The following MPPED1 variants were observed in gnomAD, a reference collection of about 807,000 sequenced individuals.
MPPED1 encodes metallophosphoesterase domain-containing protein 1.
MPPED1 carries 16 observed loss-of-function variants against 36.2 expected under a neutral mutation model. That is an observed-to-expected ratio of 0.44 (90% confidence interval 0.30 to 0.67). The LOEUF is 0.67. MPPED1 is among the 30% of genes least tolerant of loss of function. MPPED1 has a pLI of 0.10. For missense variants in MPPED1, 307 were observed against 453.4 expected (o/e 0.68, Z 2.93); for synonymous variants, 199 against 191.3 (o/e 1.04, Z -0.33).
intron 3 of MPPED1, among the ~76,000 whole-genome samples, chr22:43,439,226 T>C (rs978230975): frequency 6.6e-6 from 1 of 152,178 alleles, no homozygotes; most frequent in Non-Finnish European, 1.5e-5. Flanking sequence ...GGGGGACGGG[T>C]TGGGATGAAA....
intron 3 of MPPED1, among the ~76,000 whole-genome samples, chr22:43,445,278 C>A (rs1930295810): frequency 1.3e-5 from 2 of 152,136 alleles, no homozygotes; most frequent in African/African-American, 4.8e-5. Context: ...ATAAAACATG[C>A]CCATTTCTGT....
At chr22:43,467,432 C>T (rs543015132) in intron 3 of MPPED1, among the ~76,000 whole-genome samples, 2 of 152,360 alleles carry the variant, frequency 1.3e-5, no homozygotes, top group African/African-American at 4.8e-5. Context: ...GTTCAGGTTA[C>T]ACACAGAATT....
intron 4 of MPPED1, among the ~76,000 whole-genome samples, chr22:43,497,929 G>GTGTATATATATATATATATATA (rs1555904565): frequency 7.8e-4 from 38 of 48,716 alleles, no homozygotes; most frequent in African/African-American, 1.9e-3. Context: ...ATATATATAT[G>GTGTATATATATATATATATATA]TATATGTATA....
chr22:43,471,674 G>T (rs543636498), intron 3 of MPPED1, among the ~76,000 whole-genome samples: 1 of 152,170 alleles, frequency 6.6e-6, no homozygotes, highest in Non-Finnish European at 1.5e-5. Flanking sequence ...CCTCCTCTCC[G>T]CAGCCTGAGC....
intron 3 of MPPED1, among the ~76,000 whole-genome samples, chr22:43,448,833 C>T (rs1471402030): frequency 6.6e-6 from 1 of 152,082 alleles, no homozygotes; most frequent in African/African-American, 2.4e-5. Context: ...GAACTCCTGA[C>T]CTCAAGTGAT....
intron 3 of MPPED1, among the ~76,000 whole-genome samples, chr22:43,436,900 G>A (rs1240464808): frequency 6.6e-6 from 1 of 152,242 alleles, no homozygotes; most frequent in East Asian, 1.9e-4. Context: ...TGAAGGGTGG[G>A]GACTGTCTCT....
chr22:43,463,172 G>A (rs769673814), intron 3 of MPPED1, among the ~76,000 whole-genome samples: 2 of 151,560 alleles, frequency 1.3e-5, no homozygotes, highest in Non-Finnish European at 2.9e-5. Flanking sequence ...GCTTAATGTG[G>A]GTCTTTACTT....
chr22:43,445,546 G>A (rs1930305140), intron 3 of MPPED1, among the ~76,000 whole-genome samples: 1 of 144,918 alleles, frequency 6.9e-6, no homozygotes, highest in South Asian at 2.2e-4. Context: ...TATCTTTGCT[G>A]TCTGATGTTT....
rs1932498131 is a variant in MPPED1 at position 43,498,325 on chromosome 22, C to T, written c.723C>T (p.Ile241=). 1 of 1,535,272 alleles carries T rather than the reference C, an allele frequency of 6.5e-7. No homozygotes were observed. Among genetic ancestry groups the T allele is most frequent in the South Asian group, 1.2e-5 (1 of 84,008 alleles). The part of the protein sequence containing the change: ...KWNLIPEGVD[I]LITHGPPLGF... ...ACCTCATTCCCGAAGGCGTAGACAT[C>T]CTGATAACCCATGGACCACCACTGG... The change falls in exon 5 of 7, where the codon ATC becomes ATT. Residue 241 remains isoleucine, a synonymous_variant. Coordinates refer to ENST00000443721, the MANE Select transcript of MPPED1 (RefSeq NM_001044370.2).
At chr22:43,444,930 T>A (rs1930284639) in intron 3 of MPPED1, among the ~76,000 whole-genome samples, 1 of 152,150 alleles carries the variant, frequency 6.6e-6, no homozygotes, top group African/African-American at 2.4e-5. Flanking sequence ...ATATTGATGA[T>A]AAATTAAAAG....
chr22:43,465,227 T>G (rs1931124370), intron 3 of MPPED1, among the ~76,000 whole-genome samples: 1 of 152,204 alleles, frequency 6.6e-6, no homozygotes, highest in South Asian at 2.1e-4. Context: ...CTCCGTGGCA[T>G]GGGCCTTGAA....
At chr22:43,419,582 G>GC (rs35181932) in intron 1 of MPPED1, among the ~76,000 whole-genome samples, 110,248 of 151,846 alleles carry the variant, frequency 0.73, 40,465 homozygotes, top group South Asian at 0.89. Flanking sequence ...GAGGTGCTGA[G>GC]TTCACCTGAG....
intron 1 of MPPED1, among the ~76,000 whole-genome samples, chr22:43,419,562 G>A (rs1378371122): frequency 8.2e-6 from 1 of 121,854 alleles, no homozygotes; most frequent in Admixed American, 9.6e-5. Context: ...GCAGCCTCCT[G>A]AGCTGACCTG....
At position 43,505,919 on chromosome 22, in the gene MPPED1, T is replaced by A. The variant is rs1315843984; in HGVS notation, c.*303T>A. The A allele has an allele frequency of 6.8e-6, 2 of 293,778 alleles. No homozygotes were observed. The highest frequency in any genetic ancestry group is 2.2e-5 in the African/African-American group (1 of 46,174). 18.2% of individuals were successfully genotyped at this position (293,778 alleles called of 1,614,324 possible). On this transcript the variant is annotated 3_prime_UTR_variant, in exon 7 of 7. Transcript: ENST00000443721. ...GTTTGGGAAATGACTAAATCTTCATTCTTCTCCCTTGGACGCCCTCCTGGT... is the reference window on the plus strand; with the variant it reads ...GTTTGGGAAATGACTAAATCTTCATACTTCTCCCTTGGACGCCCTCCTGGT...
intron 4 of MPPED1, among the ~76,000 whole-genome samples, chr22:43,482,231 G>C (rs567260995): frequency 6.6e-6 from 1 of 152,296 alleles, no homozygotes; most frequent in East Asian, 1.9e-4. Flanking sequence ...AAGAGTGAGG[G>C]AGAGAGTGAA....
chr22:43,431,208 A>T (rs758234783), intron 2 of MPPED1, among the ~76,000 whole-genome samples: 2 of 151,056 alleles, frequency 1.3e-5, no homozygotes, highest in Non-Finnish European at 3.0e-5. Flanking sequence ...CACCAAGCTA[A>T]TTTTTTATAT....
intron 4 of MPPED1, among the ~76,000 whole-genome samples, chr22:43,497,936 T>TATATATATATATATATATATATAC (rs1932482274): frequency 8.5e-6 from 1 of 117,330 alleles, no homozygotes; most frequent in Non-Finnish European, 1.6e-5. Flanking sequence ...TATGTATATG[T>TATATATATATATATATATATATAC]ATATATATAT....
intron 6 of MPPED1, among the ~76,000 whole-genome samples, chr22:43,503,450 T>C (rs895304230): frequency 2.0e-5 from 3 of 152,174 alleles, no homozygotes; most frequent in Non-Finnish European, 4.4e-5. Context: ...TGGACTGACG[T>C]GGTTTCCCCC....
In MPPED1 at chr22:43,474,629, A is replaced by G. The variant is rs1931484709; in HGVS notation, c.407-107A>G. On this transcript the variant is annotated intron_variant, in intron 3 of 6. Coordinates refer to ENST00000443721, the MANE Select transcript of MPPED1 (RefSeq NM_001044370.2). The surrounding 1 kb of genome is among the most constrained non-coding windows in gnomAD (Gnocchi z 5.2). ...GGCAACCACGAGCTGACCTTTGACC[A>G]GGAGTTCATGCAGCTTCCTCCTGCC... The G allele has an allele frequency of 6.4e-7, 1 of 1,566,458 alleles. No homozygotes were observed. The highest frequency in any genetic ancestry group is 8.7e-7 in the Non-Finnish European group (1 of 1,145,362).
Sources: allele counts gnomAD v4.1 joint callset (sites outside exome capture counted in the v4.1 genomes callset), GRCh38; gene constraint gnomAD v4.1.1; non-coding constraint Gnocchi (gnomAD v3.1); transcripts MANE v1.5; gene names NCBI Gene and HGNC (gene_info 2026-07-23, HGNC 2026-07-21).